HNRNPU: variants seen among roughly 807,000 people sequenced by gnomAD.
The protein encoded by HNRNPU is HNRNPU antisense RNA 1.
In HNRNPU, 5 loss-of-function variants were observed where a neutral mutation model predicts 94.7. The ratio of observed to expected loss-of-function variants is 0.05; its 90% CI spans 0.03 to 0.11. The LOEUF (loss-of-function observed/expected upper bound fraction) is 0.11. Among genes scored for constraint, HNRNPU ranks in the 10% least tolerant of loss-of-function variants. The probability of loss-of-function intolerance (pLI) is 1.00; values close to 1 mark genes in which losing one functional copy is unlikely to be tolerated. For synonymous variants in HNRNPU, 434 were observed against 381.6 expected (o/e 1.14, Z -1.60); for missense variants, 710 against 1,049.2 (o/e 0.68, Z 4.47).
chr1:244,854,778 T>A, intron 13 of HNRNPU, 195 bp downstream of exon 13: 1 of 505,832 alleles, frequency 2.0e-6, no homozygotes, highest in Non-Finnish European at 3.5e-6. Context: ...ATTAAAAAAA[T>A]TTAACTTATA....
rs1470929746 is a variant in HNRNPU at position 244,854,253 on chromosome 1, T to C, written c.*197A>G. On this transcript the variant is annotated 3_prime_UTR_variant, in exon 14 of 14. Coordinates refer to ENST00000640218, the MANE Select transcript of HNRNPU (RefSeq NM_031844.3). ...TATCGTGCACAATGCTGAGGTTCTC[T>C]TACGATTCACTTTTAAACTGCAATT... 1 of 577,480 alleles carries C rather than the reference T, an allele frequency of 1.7e-6. No homozygotes were observed. Among genetic ancestry groups the C allele is most frequent in the Admixed American group, 3.4e-5 (1 of 29,210 alleles). 35.8% of individuals were successfully genotyped at this position (577,480 alleles called of 1,614,324 possible).
At chr1:244,858,372 G>A in intron 6 of HNRNPU, 98 bp from the exon 7 acceptor site, 1 of 1,145,942 alleles carries the variant, frequency 8.7e-7, no homozygotes, top group Non-Finnish European at 1.2e-6. Context: ...TCCTGTGGAA[G>A]CTACAGGTTA....
At chr1:244,860,272 G>A in intron 4 of HNRNPU, 63 bp downstream of exon 4, 15 of 1,469,124 alleles carry the variant, frequency 1.0e-5, no homozygotes, top group Non-Finnish European at 1.2e-5. Context: ...CGGCAATCCA[G>A]CCTAGGGAAC....
At chr1:244,856,234 G>A in intron 10 of HNRNPU, 76 bp from the exon 11 acceptor site, 1 of 1,417,472 alleles carries the variant, frequency 7.1e-7, no homozygotes, top group Non-Finnish European at 9.6e-7. Flanking sequence ...GACAATTCTT[G>A]AGGTTTAGTA....
Position 244,851,133 on chromosome 1 carries a change from A to C in HNRNPU, c.*3317T>G, listed in dbSNP as rs1680538220. On this transcript the variant is annotated 3_prime_UTR_variant, in exon 14 of 14. Transcript: ENST00000640218. ...CAAGTTCCATCCACTTTTGAAAACAAGACATTTATGTATAGGAAGAGAATT... is the reference window on the plus strand; with the variant it reads ...CAAGTTCCATCCACTTTTGAAAACACGACATTTATGTATAGGAAGAGAATT... 1 of 152,240 alleles carries C rather than the reference A, an allele frequency of 6.6e-6. No homozygotes were observed. Among genetic ancestry groups the C allele is most frequent in the Admixed American group, 6.5e-5 (1 of 15,282 alleles). The allele number at this position is 152,240 out of a possible 1,614,324, so 9.4% of individuals were successfully genotyped here.
At chr1:244,862,870 GAACA>G (rs1406008236) in intron 1 of HNRNPU, 140 bp from the exon 2 acceptor site, 13 of 693,526 alleles carry the variant, frequency 1.9e-5, no homozygotes, top group Admixed American at 7.1e-5. Context: ...TGAATTCAAA[GAACA>G]ATCAACTACG....
chr1:244,863,227 C>T, intron 1 of HNRNPU: 1 of 177,220 alleles, frequency 5.6e-6, no homozygotes, highest in African/African-American at 2.4e-5. Flanking sequence ...CCTGGGGCCT[C>T]TCCCCTCCCC....
At position 244,858,017 on chromosome 1, in the gene HNRNPU, A is replaced by G. The variant is rs755100242; in HGVS notation, c.1488T>C (p.Asp496=). 1.6e-5 allele frequency: 25 copies of G among 1,584,822 alleles called. No individual in the cohort carries two copies. The highest frequency in any genetic ancestry group is 2.0e-5 in the Non-Finnish European group (23 of 1,170,554). ...RGPKGPEEKK[D]CEVVMMIGLP... is the part of the protein sequence containing the mutation. Reference sequence around the variant, plus strand: ...AAAAAAAAAAATCCCTTACTTCACAATCTTTCTTCTCTTCAGGCCCCTTTG... The same window carrying G: ...AAAAAAAAAAATCCCTTACTTCACAGTCTTTCTTCTCTTCAGGCCCCTTTG... Residue 496 remains aspartate (D), a synonymous_variant, in exon 7 of 14, where the codon GAT becomes GAC. Transcript: ENST00000640218.
chr1:244,857,423 T>C (rs1394539043), intron 8 of HNRNPU, 175 bp downstream of exon 8: 5 of 611,104 alleles, frequency 8.2e-6, no homozygotes, highest in Non-Finnish European at 1.4e-5. Flanking sequence ...ATTTTTAAAT[T>C]TTTAGTAGGA....
chr1:244,862,386 TAAGAC>T (rs1680858425), intron 3 of HNRNPU, 70 bp downstream of exon 3: 2 of 973,830 alleles, frequency 2.1e-6, no homozygotes, highest in African/African-American at 2.2e-5. Context: ...ACTTAAGCAT[TAAGAC>T]TTCTAAAAAA....
Position 244,864,458 on chromosome 1 carries a change from G to A in HNRNPU, c.-151C>T. 7.6e-7 allele frequency: 1 copy of A among 1,324,300 alleles called. No homozygotes were observed. Among genetic ancestry groups the A allele is most frequent in the Non-Finnish European group, 1.0e-6 (1 of 982,586 alleles). The allele number at this position is 1,324,300 out of a possible 1,614,324, so 82.0% of individuals were successfully genotyped here. On this transcript the variant is annotated 5_prime_UTR_variant, in exon 1 of 14. Transcript: ENST00000640218. ...TTCGTGCTGCAGAGCGGATCCGCCT[G>A]GTGTCGAACGGCGCCAATTCCTTTC... is the stretch of plus-strand genomic sequence containing the variant.
At chr1:244,863,493 C>T in intron 1 of HNRNPU, 124 bp downstream of exon 1, 5 of 1,163,488 alleles carry the variant, frequency 4.3e-6, no homozygotes, top group Non-Finnish European at 5.4e-6. Flanking sequence ...CCCCCTCCCC[C>T]ACCCTCACCG....
rs949779228 is a variant in HNRNPU, at chr1:244,850,382, A to G, written c.*4068T>C. On this transcript the variant is annotated 3_prime_UTR_variant, in exon 14 of 14. Transcript: ENST00000640218. ...TAGGCAAAGAAAACAGGACGATTCAAGAGCAGCCTATGTAACTACCAACTC... is the reference window on the plus strand; with the variant it reads ...TAGGCAAAGAAAACAGGACGATTCAGGAGCAGCCTATGTAACTACCAACTC... The G allele has an allele frequency of 6.6e-6, 1 of 152,200 alleles. No homozygotes were observed. The highest frequency in any genetic ancestry group is 1.5e-5 in the Non-Finnish European group (1 of 68,038). The allele number at this position is 152,200 out of a possible 1,614,324, so 9.4% of individuals were successfully genotyped here. A position where few individuals can be genotyped will look rare whatever the true frequency, so the allele number is the denominator to read the frequency against.
chr1:244,858,326 T>TA (rs754588889), intron 6 of HNRNPU, 52 bp from the exon 7 acceptor site: 48 of 1,512,530 alleles, frequency 3.2e-5, no homozygotes, highest in Admixed American at 3.1e-4. Flanking sequence ...TTAAACTTTC[T>TA]AAAAAACTAA....
chr1:244,862,395 TAAAAAA>T (rs56937404), intron 3 of HNRNPU, 60 bp downstream of exon 3: 17 of 798,300 alleles, frequency 2.1e-5, no homozygotes, highest in Non-Finnish European at 3.0e-5. Context: ...TTAAGACTTC[TAAAAAA>T]AAAAAAAAAA....
In HNRNPU at chr1:244,862,531, G is replaced by A. The variant is rs1680865047; in HGVS notation, c.807C>T (p.Ala269=). 6.2e-7 allele frequency: 1 copy of A among 1,613,500 alleles called. No homozygotes were observed. The highest frequency in any genetic ancestry group is 1.7e-5 in the Admixed American group (1 of 59,998). The change falls in exon 3 of 14, where the codon GCC becomes GCT. Residue 269 remains alanine (A), a synonymous_variant. Coordinates refer to ENST00000640218, the MANE Select transcript of HNRNPU (RefSeq NM_031844.3). ...EYIEENKYSR[A]KSPQPPVEEE... is the part of the protein sequence containing the mutation. ...CTTCAACAGGTGGCTGAGGAGATTTGGCTCTGAAAGACAGAATTGTCTCCT... is the reference window on the plus strand; with the variant it reads ...CTTCAACAGGTGGCTGAGGAGATTTAGCTCTGAAAGACAGAATTGTCTCCT...
chr1:244,860,155 C>G, intron 4 of HNRNPU, 180 bp downstream of exon 4: 1 of 491,744 alleles, frequency 2.0e-6, no homozygotes, highest in Non-Finnish European at 3.6e-6. Flanking sequence ...CAAAAATTAG[C>G]CAGGTGTGGT....
At chr1:244,862,374 G>A (rs1279404525) in intron 3 of HNRNPU, 87 bp downstream of exon 3, 12 of 888,700 alleles carry the variant, frequency 1.4e-5, no homozygotes, top group Non-Finnish European at 2.1e-5. Context: ...AAGTTTTGCT[G>A]CACTTAAGCA....
Position 244,863,914 on chromosome 1 carries a change from T to C in HNRNPU, c.394A>G (p.Asn132Asp), listed in dbSNP as rs1414347355. The change falls in exon 1 of 14, where the codon AAC (asparagine) becomes GAC (aspartate). Residue 132 changes from asparagine to aspartate, a missense_variant. Asn to Asp is a conservative substitution (Grantham distance 23). Coordinates refer to ENST00000640218, the MANE Select transcript of HNRNPU (RefSeq NM_031844.3). ...EEEEAASEDE[N>D]GDDQGFQEGE... ...TCCTGGAAACCCTGATCGTCGCCGT[T>C]CTCGTCTTCCGAGGCGGCCTCCTCC... The C allele has an allele frequency of 1.9e-6, 3 of 1,613,412 alleles. No homozygotes were observed. Among genetic ancestry groups the C allele is most frequent in the South Asian group, 1.1e-5 (1 of 91,064 alleles).
Sources: allele counts gnomAD v4.1 joint callset, GRCh38; gene constraint gnomAD v4.1.1; transcripts MANE v1.5; gene names NCBI Gene and HGNC (gene_info 2026-07-23, HGNC 2026-07-21).